Variants in NGEF observed in about 807,000 individuals in gnomAD.
NGEF encodes ephexin-1.
A neutral mutation model predicts 80.9 loss-of-function variants in NGEF; 31 were observed. That is an observed-to-expected ratio of 0.38 (90% CI 0.29 to 0.52). NGEF has a LOEUF of 0.52. Ranked by LOEUF, NGEF falls within the 20% of genes least tolerant of loss-of-function variation. The probability of loss-of-function intolerance (pLI) is 0.84; values close to 1 mark genes in which losing one functional copy is unlikely to be tolerated. For synonymous variants in NGEF, 371 were observed against 370.2 expected, an observed-to-expected ratio of 1.00 and a Z score of -0.03; for missense variants, 709 against 926.2, an observed-to-expected ratio of 0.77 and a Z score of 3.04.
intron 1 of NGEF, among the ~76,000 whole-genome samples, chr2:232,986,846 C>G (rs1441889302): frequency 6.6e-6 from 1 of 152,138 alleles, no homozygotes; most frequent in Non-Finnish European, 1.5e-5. Context: ...ATGTATATAT[C>G]TATCACATCA....
rs547360429 is a variant in NGEF, at chr2:233,001,550, C to T, written c.-75+11518G>A. ...CAGAGAGGAGAGTGGGAATAGCCAG[C>T]GAGAACGGAAGGCGAGAGGGAGGCA... On this transcript the variant is annotated intron_variant, in intron 1 of 14. Coordinates refer to ENST00000264051, the MANE Select transcript of NGEF (RefSeq NM_019850.3). Among the ~76,000 whole-genome samples the T allele has an allele frequency of 1.9e-4, 29 of 152,094 alleles. No individual in the cohort carries two copies. The East Asian group carries it at 4.1e-3, about 21-fold the overall frequency.
chr2:232,909,738 C>A (rs979959118), intron 5 of NGEF, among the ~76,000 whole-genome samples: 1 of 152,208 alleles, frequency 6.6e-6, no homozygotes, highest in Non-Finnish European at 1.5e-5. Flanking sequence ...CCACACCTAA[C>A]CCTTGGGCAA....
Position 232,934,258 on chromosome 2 carries a change from A to AG in NGEF, c.384-7073_384-7072insC, listed in dbSNP as rs1553551433. On this transcript the variant is annotated intron_variant, in intron 3 of 14. Coordinates refer to ENST00000264051, the MANE Select transcript of NGEF (RefSeq NM_019850.3). ...CTGCATCTCAAAAAAAAAAAAAAAAAAAAGAAAGAGAAAGAAAAACACTCT... is the reference window on the plus strand; with the variant it reads ...CTGCATCTCAAAAAAAAAAAAAAAAAGAAAGAAAGAGAAAGAAAAACACTCT... 1.3e-4 allele frequency among the ~76,000 whole-genome samples: 20 copies of AG among 150,120 alleles called. No individual in the cohort carries two copies. The East Asian group carries it at 2.0e-3, about 15-fold the overall frequency.
At chr2:232,890,319 C>T (rs192620458) in intron 8 of NGEF, among the ~76,000 whole-genome samples, 88 of 152,294 alleles carry the variant, frequency 5.8e-4, no homozygotes, top group African/African-American at 2.0e-3. Flanking sequence ...CTGGAAGCCC[C>T]ATCCCCCTGA....
At chr2:232,890,037 G>T (rs1030636612) in intron 8 of NGEF, among the ~76,000 whole-genome samples, 2 of 151,582 alleles carry the variant, frequency 1.3e-5, no homozygotes, top group Non-Finnish European at 2.9e-5. Context: ...GGCAGAGGGG[G>T]TCTCTGTCCT....
At chr2:232,967,373 C>T (rs1466938255) in intron 3 of NGEF, among the ~76,000 whole-genome samples, 2 of 152,076 alleles carry the variant, frequency 1.3e-5, no homozygotes, top group East Asian at 1.9e-4. Context: ...CTCACTCTGT[C>T]GCCCAGGCTG....
At chr2:232,980,036 C>T (rs543748732) in intron 1 of NGEF, among the ~76,000 whole-genome samples, 2 of 152,312 alleles carry the variant, frequency 1.3e-5, no homozygotes, top group South Asian at 4.1e-4. Flanking sequence ...GGTCACACTA[C>T]AGCTATCTGA....
At chr2:232,988,080 TGTGA>T (rs1694574123) in intron 1 of NGEF, among the ~76,000 whole-genome samples, 2 of 148,436 alleles carry the variant, frequency 1.3e-5, no homozygotes, top group Non-Finnish European at 3.0e-5. Context: ...TGTGTGTGTG[TGTGA>T]GTGACAATCT....
intron 1 of NGEF, among the ~76,000 whole-genome samples, chr2:232,992,391 C>T (rs2106334597): frequency 6.6e-6 from 1 of 152,010 alleles, no homozygotes; most frequent in Admixed American, 6.6e-5. Context: ...AACGCCGTCT[C>T]CACTGCAAAT....
At chr2:233,009,686 AG>A (rs1208359194) in intron 1 of NGEF, among the ~76,000 whole-genome samples, 2 of 152,052 alleles carry the variant, frequency 1.3e-5, no homozygotes, top group Non-Finnish European at 2.9e-5. Flanking sequence ...CAGAGCTTCT[AG>A]CTTTGGGAGA....
chr2:232,900,100 GCT>G (rs1334878947), intron 5 of NGEF, among the ~76,000 whole-genome samples: 2 of 120,726 alleles, frequency 1.7e-5, no homozygotes, highest in South Asian at 3.1e-4. Context: ...TTAGACACAT[GCT>G]CTCAGTCACT....
intron 3 of NGEF, among the ~76,000 whole-genome samples, chr2:232,957,189 A>C (rs1421872455): frequency 6.6e-6 from 1 of 152,216 alleles, no homozygotes. Context: ...ATAAATCTAA[A>C]TGGGCAATTT....
At chr2:232,917,018 T>C (rs558142149) in intron 5 of NGEF, among the ~76,000 whole-genome samples, 1 of 152,364 alleles carries the variant, frequency 6.6e-6, no homozygotes, top group East Asian at 1.9e-4. Flanking sequence ...CTGGTGAGGA[T>C]GCACCCACTG....
chr2:232,928,174 G>A, intron 3 of NGEF: 2 of 979,794 alleles, frequency 2.0e-6, no homozygotes, highest in Non-Finnish European at 2.4e-6. Context: ...GCGCGCGCCT[G>A]GAGGCTCCCG....
At chr2:232,963,675 G>A (rs538797466) in intron 3 of NGEF, among the ~76,000 whole-genome samples, 5 of 152,228 alleles carry the variant, frequency 3.3e-5, no homozygotes, top group Admixed American at 2.6e-4. Context: ...TTAGCTGGGC[G>A]TGGTGGCAGG....
At chr2:232,959,077 C>T (rs1693891838) in intron 3 of NGEF, among the ~76,000 whole-genome samples, 1 of 152,208 alleles carries the variant, frequency 6.6e-6, no homozygotes, top group African/African-American at 2.4e-5. Context: ...CACCCCCTCC[C>T]CACAGTGTGT....
At chr2:232,998,828 C>G (rs566847719) in intron 1 of NGEF, among the ~76,000 whole-genome samples, 1 of 152,254 alleles carries the variant, frequency 6.6e-6, no homozygotes, top group Non-Finnish European at 1.5e-5. Context: ...GGCCAGGTCT[C>G]CCTGGGCACT....
chr2:232,981,596 C>A (rs375862533), intron 1 of NGEF, among the ~76,000 whole-genome samples: 1 of 152,132 alleles, frequency 6.6e-6, no homozygotes, highest in Non-Finnish European at 1.5e-5. Flanking sequence ...TCTGCCACCC[C>A]ACCCAGGAAC....
At chr2:233,006,134 A>G (rs1038706295) in intron 1 of NGEF, among the ~76,000 whole-genome samples, 2 of 152,142 alleles carry the variant, frequency 1.3e-5, no homozygotes, top group Non-Finnish European at 2.9e-5. Flanking sequence ...TTTAAGCCAC[A>G]GTTTGTGGTA....
Sources: gnomAD v4.1 joint callset for allele counts (sites outside exome capture counted in the v4.1 genomes callset) on GRCh38, gnomAD v4.1.1 for gene constraint, MANE v1.5 for transcripts, NCBI Gene and HGNC (gene_info 2026-07-23, HGNC 2026-07-21) for gene names.